ATP6V0A2: variants seen among roughly 807,000 people sequenced by gnomAD.
ATP6V0A2 encodes the protein ATPase H+ transporting V0 subunit a2, also known as V-type proton ATPase 116 kDa subunit a 2.
Under a neutral mutation model 104.4 loss-of-function variants are expected in ATP6V0A2, and 58 were observed. The observed-to-expected ratio is 0.56, with a 90% CI of 0.45 to 0.69. The LOEUF is 0.69. ATP6V0A2 is among the 30% of genes least tolerant of loss of function. The pLI is 0.00. For synonymous variants in ATP6V0A2, 376 were observed against 397.9 expected (o/e 0.95, Z 0.65); for missense variants, 938 against 1,062.9 (o/e 0.88, Z 1.63).
Position 123,737,134 on chromosome 12 carries a change from C to T in ATP6V0A2, c.901C>T (p.Gln301Ter), listed in dbSNP as rs1956562447. 8.7e-6 allele frequency: 14 copies of T among 1,614,034 alleles called. No homozygotes were observed. The highest frequency in any genetic ancestry group is 1.2e-5 in the Non-Finnish European group (14 of 1,180,036). The change falls in exon 9 of 20, where the codon CAG becomes TAG. Residue 301 changes from glutamine to a stop codon, truncating the protein, a stop_gained. Transcript: ENST00000330342. LOFTEE classifies it high-confidence loss of function. ...AAESVYSRVI[Q>*]VKKMKAIYHM... ...CGAGTCTGTCTACAGCCGTGTGATC[C>T]AGGTGAAGAAAATGAAGGCCATCTA...
Position 123,744,434 on chromosome 12 carries a change from C to CT in ATP6V0A2, c.1326+98dup, listed in dbSNP as rs1324433330. ...CTTAGATGTTTGCTGTAGGCTGCGG[C>CT]TGTGCTGGGCAGGTGTGTGGCCTGT... On this transcript the variant is annotated intron_variant, in intron 11 of 19. Transcript: ENST00000330342. The surrounding 1 kb of genome is among the most constrained non-coding windows in gnomAD (Gnocchi z 5.4). The CT allele has an allele frequency of 6.3e-7, 1 of 1,580,210 alleles. No individual in the cohort carries two copies. Among genetic ancestry groups the CT allele is most frequent in the African/African-American group, 1.3e-5 (1 of 74,176 alleles).
intron 14 of ATP6V0A2, among the ~76,000 whole-genome samples, chr12:123,748,041 G>A (rs1472580575): frequency 6.6e-6 from 1 of 152,130 alleles, no homozygotes; most frequent in African/African-American, 2.4e-5. Context: ...GTGCATTCAT[G>A]TCGATTTCCA....
At chr12:123,745,117 C>T (rs1033989024) in intron 13 of ATP6V0A2, 145 bp downstream of exon 13, 42 of 874,438 alleles carry the variant, frequency 4.8e-5, no homozygotes, top group Non-Finnish European at 6.3e-5. Context: ...ATCCCAGTCC[C>T]GGACACTGGG....
intron 1 of ATP6V0A2, among the ~76,000 whole-genome samples, chr12:123,715,886 T>C (rs1008007115): frequency 6.6e-6 from 1 of 152,186 alleles, no homozygotes; most frequent in South Asian, 2.1e-4. Flanking sequence ...AAATATTCTT[T>C]TACAACTTTT....
intron 2 of ATP6V0A2, among the ~76,000 whole-genome samples, chr12:123,720,654 C>CCACT (rs1956390488): frequency 6.6e-6 from 1 of 152,152 alleles, no homozygotes; most frequent in Non-Finnish European, 1.5e-5. Flanking sequence ...GGATGACACA[C>CCACT]CACTGTACTC....
rs774178897 is a variant in ATP6V0A2, at chr12:123,718,712, T to G, written c.196+11T>G. On this transcript the variant is annotated intron_variant, in intron 2 of 19. Coordinates refer to ENST00000330342, the MANE Select transcript of ATP6V0A2 (RefSeq NM_012463.4). ...TAGAGCGAATATTGGGTAAGTTTAT[T>G]TTCTGATTTAACAACTTAAATAATT... is the stretch of plus-strand genomic sequence containing the variant. 1.2e-5 allele frequency: 19 copies of G among 1,597,202 alleles called. No homozygotes were observed. Among genetic ancestry groups the G allele is most frequent in the Non-Finnish European group, 1.6e-5 (19 of 1,166,538 alleles).
At chr12:123,729,256 A>T (rs576510604) in intron 6 of ATP6V0A2, among the ~76,000 whole-genome samples, 26 of 148,252 alleles carry the variant, frequency 1.8e-4, no homozygotes, top group African/African-American at 6.2e-4. Flanking sequence ...GTACAACAGG[A>T]TGTCCAGATG....
intron 19 of ATP6V0A2, among the ~76,000 whole-genome samples, chr12:123,757,205 C>T (rs545884714): frequency 1.3e-5 from 2 of 152,244 alleles, no homozygotes; most frequent in East Asian, 1.9e-4. Context: ...CTTTGGGAGG[C>T]CAAGGCAGGT....
rs371306895 is a variant in ATP6V0A2, at chr12:123,754,533, C to T, written c.2289C>T (p.His763=). ...GGCTCTGGGCGCTTAGCCTGGCTCA[C>T]GCACGTAAGTTCCTGCTTAGACCTG... ...YLRLWALSLA[H]AQLSDVLWAM... is the part of the protein sequence containing the mutation. The change falls in exon 18 of 20, where the codon CAC becomes CAT. Residue 763 remains histidine, a synonymous_variant. Transcript: ENST00000330342. The T allele has an allele frequency of 3.0e-5, 48 of 1,612,622 alleles. No homozygotes were observed. The highest frequency in any genetic ancestry group is 1.1e-4 in the African/African-American group (8 of 74,898).
intron 15 of ATP6V0A2, among the ~76,000 whole-genome samples, chr12:123,749,090 G>T (rs1464159749): frequency 1.3e-5 from 2 of 152,152 alleles, no homozygotes; most frequent in Non-Finnish European, 2.9e-5. Flanking sequence ...GTGAGTTCGA[G>T]ACCAGCCTGG....
chr12:123,712,545 C>T lies in ATP6V0A2; in HGVS notation c.-21C>T, dbSNP rs771048824. 4.5e-6 allele frequency: 7 copies of T among 1,553,412 alleles called. No homozygotes were observed. Among genetic ancestry groups the T allele is most frequent in the Admixed American group, 3.8e-5 (2 of 53,114 alleles). On this transcript the variant is annotated 5_prime_UTR_variant, in exon 1 of 20. Coordinates refer to ENST00000330342, the MANE Select transcript of ATP6V0A2 (RefSeq NM_012463.4). ...AGCCGCCGCCGCCCATCGAGCCCCT[C>T]CGGGCGCGGGTCGGCCCGCCATGGG...
Position 123,744,057 on chromosome 12 carries a change from A to G in ATP6V0A2, c.1189+122A>G. ...TTACTTTTTTGCTATCTTATTTAAA[A>G]GTATAAGGTTTTAAATGTAACCACA... On this transcript the variant is annotated intron_variant, in intron 10 of 19. Coordinates refer to ENST00000330342, the MANE Select transcript of ATP6V0A2 (RefSeq NM_012463.4). The surrounding 1 kb of genome is among the most constrained non-coding windows in gnomAD (Gnocchi z 5.4). The G allele has an allele frequency of 9.0e-6, 14 of 1,547,614 alleles. No individual in the cohort carries two copies. The highest frequency in any genetic ancestry group is 1.2e-5 in the Non-Finnish European group (14 of 1,121,472).
At position 123,747,805 on chromosome 12, in the gene ATP6V0A2, T is replaced by C. The variant is rs997069049; in HGVS notation, c.1724+80T>C. On this transcript the variant is annotated intron_variant, in intron 14 of 19. Transcript: ENST00000330342. ...CAATTTTGCTTCTTGTTGGTGACTG[T>C]ATTTATTGGGTAAGGGGCAGCCAAT... is the stretch of plus-strand genomic sequence containing the variant. 3.6e-5 allele frequency: 32 copies of C among 897,502 alleles called. No homozygotes were observed. In the Admixed American group the frequency reaches 5.7e-4, roughly 16 times the overall value. The allele number at this position is 897,502 out of a possible 1,614,324, so 55.6% of individuals were successfully genotyped here.
At chr12:123,718,473 T>C (rs891908368) in intron 1 of ATP6V0A2, 150 bp from the exon 2 acceptor site, 2 of 596,154 alleles carry the variant, frequency 3.4e-6, no homozygotes, top group African/African-American at 3.7e-5. Flanking sequence ...AGTTGACAAA[T>C]TGCTCTCAAG....
At chr12:123,754,283 C>T (rs1956742618) in intron 17 of ATP6V0A2, 137 bp from the exon 18 acceptor site, 3 of 727,230 alleles carry the variant, frequency 4.1e-6, no homozygotes, top group Non-Finnish European at 5.0e-6. Flanking sequence ...GTTTCTGTTC[C>T]TCACACTCTA....
intron 5 of ATP6V0A2, among the ~76,000 whole-genome samples, chr12:123,727,507 G>C (rs1422780232): frequency 6.6e-6 from 1 of 152,076 alleles, no homozygotes; most frequent in Non-Finnish European, 1.5e-5. Context: ...TTGAACTCCT[G>C]ACCTTGTGAT....
intron 15 of ATP6V0A2, among the ~76,000 whole-genome samples, chr12:123,749,493 T>C (rs2176152): frequency 0.71 from 107,227 of 152,064 alleles, 38,465 homozygotes; most frequent in East Asian, 0.95. Flanking sequence ...CCCGCTCTGC[T>C]GTTTCCTCAG....
rs141310219 is a variant in ATP6V0A2 at position 123,743,852 on chromosome 12, G to T, written c.1106G>T (p.Arg369Leu). 1.2e-6 allele frequency: 2 copies of T among 1,614,026 alleles called. No homozygotes were observed. Among genetic ancestry groups the T allele is most frequent in the East Asian group, 4.5e-5 (2 of 44,886 alleles). Residue 369 changes from arginine to leucine, a missense_variant, in exon 10 of 20, where the codon CGG becomes CTG. Transcript: ENST00000330342. The stretch of plus-strand genomic sequence containing the variant: ...CCCACAAAAGAAACACCCCCCACTC[G>T]GATCCGCACCAACAAATTCACCGAG... ...IIPTKETPPT[R>L]IRTNKFTEGF...
intron 18 of ATP6V0A2, 69 bp from the exon 19 acceptor site, chr12:123,756,746 C>T (rs1956767742): frequency 6.4e-7 from 1 of 1,555,056 alleles, no homozygotes; most frequent in Non-Finnish European, 8.8e-7. Context: ...AAACTCAGTC[C>T]AGGTAGCTCA....
Sources: allele counts gnomAD v4.1 joint callset (sites outside exome capture counted in the v4.1 genomes callset), GRCh38; gene constraint gnomAD v4.1.1; non-coding constraint Gnocchi (gnomAD v3.1); transcripts MANE v1.5; gene names NCBI Gene and HGNC (gene_info 2026-07-23, HGNC 2026-07-21).